MUCL1: variants seen among roughly 807,000 people sequenced by gnomAD.
MUCL1 encodes the protein mucin like 1, also known as mucin-like protein 1.
MUCL1 carries 11 observed loss-of-function variants against 9.2 expected under a neutral mutation model. The observed-to-expected ratio is 1.19, with a 90% CI of 0.75 to 1.97. The LOEUF (loss-of-function observed/expected upper bound fraction) is 1.97. Ranked by LOEUF, MUCL1 falls within the 30% of genes most tolerant of loss-of-function variation. The pLI is 0.00. For missense variants in MUCL1, 144 were observed against 110.9 expected (o/e 1.30, Z -1.34); for synonymous variants, 48 against 40.5 (o/e 1.19, Z -0.71).
intron 2 of MUCL1, 80 bp downstream of exon 2, chr12:54,855,237 C>T: frequency 7.9e-7 from 1 of 1,265,694 alleles, no homozygotes; most frequent in Admixed American, 1.7e-5. Flanking sequence ...AGCCAGTTTC[C>T]ATGTGGATAG....
upstream of MUCL1, among the ~76,000 whole-genome samples, chr12:54,838,539 T>C (rs76564049): frequency 0.016 from 2,418 of 152,312 alleles, 57 homozygotes; most frequent in African/African-American, 0.056. Flanking sequence ...ACTTTTTGCT[T>C]TTTCTTCTCC....
At chr12:54,837,837 G>T (rs975807561), upstream of MUCL1, among the ~76,000 whole-genome samples, 1 of 152,184 alleles carries the variant, frequency 6.6e-6, no homozygotes, top group East Asian at 1.9e-4. Context: ...GAAAACAGAA[G>T]ATATTTGGTT....
At chr12:54,844,723 C>G (rs1959233975) in intron 1 of MUCL1, among the ~76,000 whole-genome samples, 1 of 152,212 alleles carries the variant, frequency 6.6e-6, no homozygotes, top group Non-Finnish European at 1.5e-5. Flanking sequence ...TTAGTCTTGT[C>G]AGGTGTTGGA....
intron 1 of MUCL1, among the ~76,000 whole-genome samples, chr12:54,844,147 C>T (rs1269312148): frequency 6.6e-6 from 1 of 152,106 alleles, no homozygotes; most frequent in Non-Finnish European, 1.5e-5. Context: ...AGTCTTCCAT[C>T]ATTTTTTCAA....
rs76756733 is a variant in MUCL1 at position 54,832,648 on chromosome 12, A to G, written n.357+1773A>G. Among the ~76,000 whole-genome samples the G allele has an allele frequency of 1.7e-3, 264 of 152,222 alleles. 1 individual carries two copies. Among genetic ancestry groups the G allele is most frequent in the African/African-American group, 6.2e-3 (257 of 41,564 alleles). On this transcript the variant is annotated intron_variant and non_coding_transcript_variant, in intron 1 of 3. Transcript: ENST00000547990. ...ACAATCTCTAACAATCGGATGCTTT[A>G]TGAGGTCTTTTTGACCTAAAACTGA...
intron 1 of MUCL1, among the ~76,000 whole-genome samples, chr12:54,840,989 C>A (rs779041873): frequency 2.6e-5 from 4 of 152,208 alleles, no homozygotes; most frequent in Non-Finnish European, 5.9e-5. Flanking sequence ...CTCCCCTTTT[C>A]TCTCACTCCT....
At chr12:54,849,372 C>T (rs576276728) in intron 1 of MUCL1, among the ~76,000 whole-genome samples, 1 of 152,022 alleles carries the variant, frequency 6.6e-6, no homozygotes, top group South Asian at 2.1e-4. Flanking sequence ...TATATAATTA[C>T]CAAGTAAAAA....
upstream of MUCL1, among the ~76,000 whole-genome samples, chr12:54,854,327 T>C (rs149358463): frequency 3.2e-4 from 49 of 152,292 alleles, 1 homozygote; most frequent in African/African-American, 1.2e-3. Context: ...GAGACTCGAA[T>C]TGAAACCTGT....
intron 1 of MUCL1, among the ~76,000 whole-genome samples, chr12:54,833,481 AT>A (rs1331991038): frequency 1.3e-5 from 2 of 151,802 alleles, no homozygotes; most frequent in Non-Finnish European, 1.5e-5. Flanking sequence ...AATTGTTTTA[AT>A]TTTTTTCCTT....
intron 2 of MUCL1, chr12:54,855,435 G>A (rs1421617717): frequency 2.7e-6 from 1 of 375,584 alleles, no homozygotes; most frequent in South Asian, 4.0e-5. Flanking sequence ...AAGAGCATGA[G>A]GTCTGATGTT....
upstream of MUCL1, among the ~76,000 whole-genome samples, chr12:54,851,696 T>C (rs1959342193): frequency 6.6e-6 from 1 of 152,116 alleles, no homozygotes; most frequent in Non-Finnish European, 1.5e-5. Context: ...GGGTATTCAA[T>C]TAGGAAAAGA....
At chr12:54,847,673 A>G (rs772945696) in intron 1 of MUCL1, among the ~76,000 whole-genome samples, 4 of 152,186 alleles carry the variant, frequency 2.6e-5, no homozygotes, top group Non-Finnish European at 2.9e-5. Flanking sequence ...AGACAAGCAA[A>G]TATCAGGCAA....
At chr12:54,834,299 T>A (rs1003349377) in intron 1 of MUCL1, among the ~76,000 whole-genome samples, 1 of 152,096 alleles carries the variant, frequency 6.6e-6, no homozygotes, top group East Asian at 1.9e-4. Flanking sequence ...TTTATATGAA[T>A]CTTGAATTTA....
intron 1 of MUCL1, among the ~76,000 whole-genome samples, chr12:54,832,846 C>T (rs1175573579): frequency 6.6e-6 from 1 of 151,966 alleles, no homozygotes; most frequent in Non-Finnish European, 1.5e-5. Context: ...AGGTAAAATG[C>T]TATTTTCAAG....
At chr12:54,848,881 T>C (rs958500820) in intron 1 of MUCL1, among the ~76,000 whole-genome samples, 1 of 152,196 alleles carries the variant, frequency 6.6e-6, no homozygotes. Context: ...AGTGTATACA[T>C]ATATTGTGAG....
intron 1 of MUCL1, among the ~76,000 whole-genome samples, chr12:54,831,459 T>C (rs1225455098): frequency 6.6e-6 from 1 of 152,124 alleles, no homozygotes; most frequent in Non-Finnish European, 1.5e-5. Flanking sequence ...AACATACATT[T>C]ATATTCTACT....
At chr12:54,856,941 T>C (rs753814277) in intron 3 of MUCL1, 49 bp downstream of exon 3, 1 of 1,611,254 alleles carries the variant, frequency 6.2e-7, no homozygotes, top group South Asian at 1.1e-5. Context: ...GCTCCTTGAT[T>C]CCTTGGGTTC....
chr12:54,843,588 G>A (rs1057380286), intron 1 of MUCL1, among the ~76,000 whole-genome samples: 5 of 152,172 alleles, frequency 3.3e-5, no homozygotes, highest in South Asian at 2.1e-4. Context: ...CAGTGTAATC[G>A]CAAGGGTCTT....
At chr12:54,833,954 T>A (rs1959188928) in intron 1 of MUCL1, among the ~76,000 whole-genome samples, 1 of 136,366 alleles carries the variant, frequency 7.3e-6, no homozygotes, top group Admixed American at 7.9e-5. Context: ...ACATGTACCC[T>A]AAAACTTAAA....
Sources: gnomAD v4.1 joint callset for allele counts (sites outside exome capture counted in the v4.1 genomes callset) on GRCh38, gnomAD v4.1.1 for gene constraint, MANE v1.5 for transcripts, NCBI Gene and HGNC (gene_info 2026-07-23, HGNC 2026-07-21) for gene names.